The following DRD2 variants were observed in gnomAD, a reference collection of about 807,000 sequenced individuals.
DRD2 encodes the protein dopamine receptor D2, also known as D(2) dopamine receptor.
DRD2 carries 8 observed loss-of-function variants against 38.0 expected under a neutral mutation model. The ratio of observed to expected loss-of-function variants is 0.21; its 90% CI spans 0.12 to 0.38. The LOEUF (loss-of-function observed/expected upper bound fraction) is 0.38. Among genes scored for constraint, DRD2 ranks in the 10% least tolerant of loss-of-function variants. The pLI, the probability that DRD2 is intolerant of heterozygous loss-of-function variation, is 1.00. For synonymous variants in DRD2, 230 were observed against 238.6 expected (o/e 0.96, Z 0.33); for missense variants, 403 against 607.7 (o/e 0.66, Z 3.54).
intron 1 of DRD2, among the ~76,000 whole-genome samples, chr11:113,469,621 A>C (rs1951402621): frequency 6.6e-6 from 1 of 152,172 alleles, no homozygotes; most frequent in African/African-American, 2.4e-5. Context: ...GGATCGTTTG[A>C]AGCCAGGAGT....
At chr11:113,425,029 G>C (rs1227425353) in intron 1 of DRD2, 1 of 308,500 alleles carries the variant, frequency 3.2e-6, no homozygotes, top group Non-Finnish European at 6.1e-6. Flanking sequence ...TCTAGTCATC[G>C]AAACAGAAAT....
chr11:113,460,472 G>A (rs539037881), intron 1 of DRD2, among the ~76,000 whole-genome samples: 15 of 152,340 alleles, frequency 9.8e-5, no homozygotes, highest in Non-Finnish European at 1.5e-4. Context: ...AGCTTCCTGG[G>A]GTCAGAGGCT....
intron 1 of DRD2, among the ~76,000 whole-genome samples, chr11:113,459,381 G>A (rs941256369): frequency 7.9e-5 from 12 of 152,286 alleles, no homozygotes; most frequent in African/African-American, 2.6e-4. Context: ...GGTGTTGTTG[G>A]TTATAGTCTG....
chr11:113,438,212 C>T (rs936826807), intron 1 of DRD2, among the ~76,000 whole-genome samples: 20 of 151,842 alleles, frequency 1.3e-4, no homozygotes, highest in Non-Finnish European at 2.2e-4. Flanking sequence ...TTTAATCAGA[C>T]AGACAACAGC....
chr11:113,440,583 T>C (rs1364041274), intron 1 of DRD2, among the ~76,000 whole-genome samples: 1 of 152,102 alleles, frequency 6.6e-6, no homozygotes, highest in Non-Finnish European at 1.5e-5. Context: ...ATAATGCAAA[T>C]CCCAAGTGCT....
intron 6 of DRD2, among the ~76,000 whole-genome samples, chr11:113,413,707 C>G (rs1450940594): frequency 6.6e-6 from 1 of 152,238 alleles, no homozygotes; most frequent in African/African-American, 2.4e-5. Flanking sequence ...TGTGGGTTCT[C>G]TGGCCCTGTT....
At chr11:113,473,483 T>C (rs1169504833) in intron 1 of DRD2, among the ~76,000 whole-genome samples, 1 of 152,142 alleles carries the variant, frequency 6.6e-6, no homozygotes, top group Non-Finnish European at 1.5e-5. Flanking sequence ...CTACAACAAA[T>C]CAGAACCTCT....
chr11:113,412,969 C>A, intron 6 of DRD2, 86 bp from the exon 7 acceptor site: 3 of 1,420,980 alleles, frequency 2.1e-6, no homozygotes, highest in Non-Finnish European at 2.9e-6. Flanking sequence ...CCCTTTCCCC[C>A]TCTGAAGACT....
At chr11:113,451,537 G>A (rs1951209749) in intron 1 of DRD2, among the ~76,000 whole-genome samples, 1 of 151,904 alleles carries the variant, frequency 6.6e-6, no homozygotes, top group African/African-American at 2.4e-5. Flanking sequence ...TGTCACCCAG[G>A]CTGGAGTGCA....
intron 1 of DRD2, among the ~76,000 whole-genome samples, chr11:113,428,555 G>T (rs1288424334): frequency 6.6e-6 from 1 of 152,218 alleles, no homozygotes; most frequent in African/African-American, 2.4e-5. Flanking sequence ...ATGTTCAGGA[G>T]CATATGCACA....
In DRD2 at chr11:113,424,688, C is replaced by T; in HGVS notation, c.-31-6G>A. On this transcript the variant is annotated splice_region_variant and splice_polypyrimidine_tract_variant and intron_variant, in intron 1 of 7. Transcript: ENST00000362072. ...AGCCACTGGGTGGCCAGGCTCTGGC[C>T]AGGAAAAATGGACACAAGGTGTCAG... The T allele has an allele frequency of 6.2e-7, 1 of 1,613,096 alleles. No individual in the cohort carries two copies.
At chr11:113,449,856 G>A (rs1456110702) in intron 1 of DRD2, among the ~76,000 whole-genome samples, 1 of 152,242 alleles carries the variant, frequency 6.6e-6, no homozygotes, top group Non-Finnish European at 1.5e-5. Flanking sequence ...AGAGCAAAAT[G>A]GCTGAGAGCC....
At chr11:113,452,984 ATACTT>A (rs1320707825) in intron 1 of DRD2, among the ~76,000 whole-genome samples, 24 of 151,992 alleles carry the variant, frequency 1.6e-4, no homozygotes, top group Admixed American at 1.6e-3. Context: ...ACTTCACACC[ATACTT>A]TACTTTATGC....
At chr11:113,450,413 T>A (rs1951200227) in intron 1 of DRD2, among the ~76,000 whole-genome samples, 1 of 152,236 alleles carries the variant, frequency 6.6e-6, no homozygotes, top group African/African-American at 2.4e-5. Context: ...GAGGCTTCTC[T>A]ATTTGCACAA....
chr11:113,467,589 C>T lies in DRD2; in HGVS notation c.-32+7487G>A, dbSNP rs75447290. Among the ~76,000 whole-genome samples, 106 of 152,344 alleles carry T rather than the reference C, an allele frequency of 7.0e-4. No homozygotes were observed. The East Asian group carries it at 0.015, about 22-fold the overall frequency. ...GTCACCTTGTCCTTGTACACCAGTA[C>T]ATTCTCCTTGTTTTTTGTTTTTAAT... On this transcript the variant is annotated intron_variant, in intron 1 of 7. Coordinates refer to ENST00000362072, the MANE Select transcript of DRD2 (RefSeq NM_000795.4).
At chr11:113,424,143 G>A (rs1254927565) in intron 2 of DRD2, among the ~76,000 whole-genome samples, 1 of 152,206 alleles carries the variant, frequency 6.6e-6, no homozygotes. Flanking sequence ...GTCCCTACGT[G>A]AGGCCCAGCA....
intron 1 of DRD2, among the ~76,000 whole-genome samples, chr11:113,469,230 G>A (rs889179888): frequency 2.6e-5 from 4 of 151,970 alleles, no homozygotes; most frequent in Admixed American, 6.6e-5. Flanking sequence ...TGAGGTTTAC[G>A]CCCAGTGCAT....
At chr11:113,411,113 C>CCTTCAGCCT (rs1434284099) in intron 7 of DRD2, among the ~76,000 whole-genome samples, 193 bp from the exon 8 acceptor site, 1 of 152,140 alleles carries the variant, frequency 6.6e-6, no homozygotes, top group Non-Finnish European at 1.5e-5. Flanking sequence ...CCCTTCAGCT[C>CCTTCAGCCT]CTTCAGCCTC....
chr11:113,443,953 G>T (rs1951117115), intron 1 of DRD2, among the ~76,000 whole-genome samples: 2 of 152,236 alleles, frequency 1.3e-5, no homozygotes, highest in South Asian at 4.2e-4. Context: ...AAAAAAACTG[G>T]AAGCTGTAAG....
Sources: gnomAD v4.1 joint callset for allele counts (sites outside exome capture counted in the v4.1 genomes callset) on GRCh38, gnomAD v4.1.1 for gene constraint, MANE v1.5 for transcripts, NCBI Gene and HGNC (gene_info 2026-07-23, HGNC 2026-07-21) for gene names.